The following ST3GAL1 variants were observed in gnomAD, a reference collection of about 807,000 sequenced individuals.
The protein encoded by ST3GAL1 is CMP-N-acetylneuraminate-beta-galactosamide-alpha-2,3-sialyltransferase 1.
In ST3GAL1, 16 loss-of-function variants were observed where a neutral mutation model predicts 34.1. The observed-to-expected ratio is 0.47, with a 90% confidence interval of 0.32 to 0.71. ST3GAL1 has a LOEUF of 0.71. Among genes scored for constraint, ST3GAL1 ranks in the 30% least tolerant of loss-of-function variants. The pLI is 0.04. For synonymous variants in ST3GAL1, 191 were observed against 184.7 expected, an observed-to-expected ratio of 1.03 and a Z score of -0.28; for missense variants, 353 against 447.4, an observed-to-expected ratio of 0.79 and a Z score of 1.90.
rs774847670 is a variant in ST3GAL1, at chr8:133,475,747, A to G, written c.278T>C (p.Leu93Ser). 5.6e-6 allele frequency: 9 copies of G among 1,607,556 alleles called. No homozygotes were observed. The South Asian group carries it at 9.9e-5, about 18-fold the overall frequency. Reference sequence around the variant, plus strand: ...CCACCATCGGTAGGTGTCGTCCTCCAAGAGCGCGTTCTGGGCGGTCAGCAG... The same window carrying G: ...CCACCATCGGTAGGTGTCGTCCTCCGAGAGCGCGTTCTGGGCGGTCAGCAG... Reference protein sequence around the residue: ...QPLLTAQNALLEDDTYRWWLR... With the variant: ...QPLLTAQNALSEDDTYRWWLR... The change falls in exon 5 of 10, where the codon TTG becomes TCG. Residue 93 changes from leucine to serine, a missense_variant. By Grantham distance (145) the Leu-to-Ser change is moderately radical. Coordinates refer to ENST00000522652, the MANE Select transcript of ST3GAL1 (RefSeq NM_173344.3).
rs1289111758 is a variant in ST3GAL1, at chr8:133,540,804, TAG to T, written c.-429+4968_-429+4969del. On this transcript the variant is annotated intron_variant, in intron 2 of 9. Coordinates refer to ENST00000522652, the MANE Select transcript of ST3GAL1 (RefSeq NM_173344.3). ...ACATATATATATATAGACATATATA[TAG>T]AGAGACATATATATATAGACATATA... 3.0e-3 allele frequency among the ~76,000 whole-genome samples: 343 copies of T among 113,516 alleles called. 6 individuals are homozygous for T. The highest frequency in any genetic ancestry group is 3.4e-3 in the Admixed American group (38 of 11,258). The allele number at this position is 113,516 out of a possible 152,430, so 74.5% of individuals were successfully genotyped here. A position where few individuals can be genotyped will look rare whatever the true frequency, so the allele number is the denominator to read the frequency against.
At chr8:133,478,105 A>G (rs181627004) in intron 3 of ST3GAL1, among the ~76,000 whole-genome samples, 2 of 152,308 alleles carry the variant, frequency 1.3e-5, no homozygotes, top group East Asian at 1.9e-4. Flanking sequence ...TTCACTTTTC[A>G]TGACAACCTA....
intron 5 of ST3GAL1, among the ~76,000 whole-genome samples, chr8:133,470,995 ACCCGCGCT>A (rs901878273): frequency 6.6e-6 from 1 of 152,050 alleles, no homozygotes; most frequent in African/African-American, 2.4e-5. Context: ...GGGAAGAGGT[ACCCGCGCT>A]CCCTTCCCAT....
At chr8:133,501,384 A>T (rs1423695681) in intron 2 of ST3GAL1, among the ~76,000 whole-genome samples, 1 of 152,102 alleles carries the variant, frequency 6.6e-6, no homozygotes, top group South Asian at 2.1e-4. Context: ...TGAGGTGGGG[A>T]GCAGTAGCTG....
At chr8:133,507,594 G>C (rs1398843254) in intron 2 of ST3GAL1, among the ~76,000 whole-genome samples, 1 of 152,216 alleles carries the variant, frequency 6.6e-6, no homozygotes, top group African/African-American at 2.4e-5. Flanking sequence ...AAGTCTCTTG[G>C]AGAGTTCCTG....
At chr8:133,543,290 AG>A (rs1299164456) in intron 2 of ST3GAL1, among the ~76,000 whole-genome samples, 1 of 152,244 alleles carries the variant, frequency 6.6e-6, no homozygotes, top group Non-Finnish European at 1.5e-5. Context: ...AGATTAAGAA[AG>A]TTTTCCAAGA....
At chr8:133,547,154 G>A (rs1253462552) in intron 1 of ST3GAL1, among the ~76,000 whole-genome samples, 1 of 152,190 alleles carries the variant, frequency 6.6e-6, no homozygotes, top group African/African-American at 2.4e-5. Context: ...CAGCATGAGG[G>A]AGAATCGAAG....
chr8:133,540,842 CAT>C (rs762925590), intron 2 of ST3GAL1, among the ~76,000 whole-genome samples: 5 of 78,586 alleles, frequency 6.4e-5, no homozygotes, highest in African/African-American at 2.4e-4. Context: ...TATAGAGAGA[CAT>C]ATATATAGAG....
chr8:133,496,553 C>T (rs1372979433), intron 3 of ST3GAL1, among the ~76,000 whole-genome samples: 16 of 152,238 alleles, frequency 1.1e-4, no homozygotes. Context: ...CAGATGACCA[C>T]ACCTTTCTGT....
chr8:133,493,154 C>T (rs1040339), intron 3 of ST3GAL1, among the ~76,000 whole-genome samples: 142,820 of 152,248 alleles, frequency 0.94, 67,035 homozygotes, highest in East Asian at 1. Flanking sequence ...ACTGGACGCA[C>T]TGTCCCCAGC....
chr8:133,565,151 C>CTGTGTGTGTGTGTGTGTG (rs60990775), intron 1 of ST3GAL1, among the ~76,000 whole-genome samples: 9 of 139,404 alleles, frequency 6.5e-5, no homozygotes, highest in African/African-American at 1.6e-4. Context: ...CTCTGTGTGC[C>CTGTGTGTGTGTGTGTGTG]TGTGTGTGTG....
At chr8:133,523,420 C>T (rs973670519) in intron 2 of ST3GAL1, among the ~76,000 whole-genome samples, 2 of 152,230 alleles carry the variant, frequency 1.3e-5, no homozygotes, top group Admixed American at 1.3e-4. Context: ...GCCCACTTTG[C>T]TGGGCACCCT....
At chr8:133,460,641 C>T (rs1254951597) in intron 9 of ST3GAL1, among the ~76,000 whole-genome samples, 1 of 152,184 alleles carries the variant, frequency 6.6e-6, no homozygotes, top group Non-Finnish European at 1.5e-5. Flanking sequence ...GGGGAAGCAG[C>T]CTTGGAGCTT....
In ST3GAL1 at chr8:133,556,353, C is replaced by G. The variant is rs755949262; in HGVS notation, c.-581-10427G>C. On this transcript the variant is annotated intron_variant, in intron 1 of 9. Coordinates refer to ENST00000522652, the MANE Select transcript of ST3GAL1 (RefSeq NM_173344.3). This position sits in a 1 kb window ranked among gnomAD's most constrained non-coding sequence, Gnocchi z 8.9. ...CTGGTGACTCCAGAGCCTGTCTTCT[C>G]CCCCTGGCCTTGGCCTCCTGGACAG... Among the ~76,000 whole-genome samples, 1 of 152,208 alleles carries G rather than the reference C, an allele frequency of 6.6e-6. No homozygotes were observed.
chr8:133,551,887 T>C (rs1818874966), intron 1 of ST3GAL1, among the ~76,000 whole-genome samples: 2 of 152,270 alleles, frequency 1.3e-5, no homozygotes, highest in African/African-American at 4.8e-5. Context: ...GTGTATACTA[T>C]GATTTTCATC....
At chr8:133,486,529 C>T (rs772600530) in intron 3 of ST3GAL1, among the ~76,000 whole-genome samples, 7 of 152,232 alleles carry the variant, frequency 4.6e-5, no homozygotes, top group Non-Finnish European at 1.0e-4. Flanking sequence ...GGGAGCCAGA[C>T]CCGTTTCCCT....
At chr8:133,542,455 T>C (rs1157770678) in intron 2 of ST3GAL1, among the ~76,000 whole-genome samples, 2 of 152,158 alleles carry the variant, frequency 1.3e-5, no homozygotes, top group Non-Finnish European at 2.9e-5. Context: ...TGAATAAAGT[T>C]AAAATCTGTG....
chr8:133,487,736 A>T (rs906950356), intron 3 of ST3GAL1, among the ~76,000 whole-genome samples: 40 of 152,306 alleles, frequency 2.6e-4, no homozygotes, highest in African/African-American at 9.1e-4. Flanking sequence ...TGGGAGGCTA[A>T]GGAGGGTGGA....
chr8:133,546,518 C>T (rs981648639), intron 1 of ST3GAL1, among the ~76,000 whole-genome samples: 1 of 148,930 alleles, frequency 6.7e-6, no homozygotes, highest in Non-Finnish European at 1.5e-5. Context: ...CCAACTCCAT[C>T]TAGAAGAAGA....
Sources: gnomAD v4.1 joint callset for allele counts (sites outside exome capture counted in the v4.1 genomes callset) on GRCh38, gnomAD v4.1.1 for gene constraint, Gnocchi (gnomAD v3.1) non-coding constraint, MANE v1.5 for transcripts, NCBI Gene and HGNC (gene_info 2026-07-23, HGNC 2026-07-21) for gene names.